KSR2: variants seen among roughly 807,000 people sequenced by gnomAD.
KSR2 encodes kinase suppressor of ras 2.
Under a neutral mutation model 107.8 loss-of-function variants are expected in KSR2, and 25 were observed. That is an observed-to-expected ratio of 0.23 (90% CI 0.17 to 0.32). KSR2 has a LOEUF of 0.32. Ranked by LOEUF, KSR2 falls within the 10% of genes least tolerant of loss-of-function variation. The probability of loss-of-function intolerance (pLI) is 1.00; values close to 1 mark genes in which losing one functional copy is unlikely to be tolerated. For synonymous variants in KSR2, 480 were observed against 507.0 expected, an observed-to-expected ratio of 0.95 and a Z score of 0.71; for missense variants, 887 against 1,268.9, an observed-to-expected ratio of 0.70 and a Z score of 4.57.
chr12:117,832,331 CAT>C (rs1351773175), intron 3 of KSR2, among the ~76,000 whole-genome samples: 1 of 152,134 alleles, frequency 6.6e-6, no homozygotes, highest in Non-Finnish European at 1.5e-5. Flanking sequence ...TCCGCATCCA[CAT>C]GTTTTAGGGG....
intron 8 of KSR2, among the ~76,000 whole-genome samples, chr12:117,555,629 G>A (rs183264679): frequency 2.2e-4 from 33 of 152,264 alleles, no homozygotes; most frequent in South Asian, 1.5e-3. Context: ...TGTGATGAGC[G>A]GACAAGCTCA....
intron 12 of KSR2, among the ~76,000 whole-genome samples, chr12:117,529,001 C>T (rs1477793377): frequency 6.6e-6 from 1 of 152,184 alleles, no homozygotes; most frequent in East Asian, 1.9e-4. Context: ...TAGATGTCAG[C>T]ACCATATCCC....
At chr12:117,584,323 A>G (rs1879864162) in intron 5 of KSR2, among the ~76,000 whole-genome samples, 1 of 152,042 alleles carries the variant, frequency 6.6e-6, no homozygotes, top group Non-Finnish European at 1.5e-5. Flanking sequence ...TCTTTTGGGG[A>G]CTGAAGTCAG....
chr12:117,878,710 C>T (rs1014202209), intron 1 of KSR2, among the ~76,000 whole-genome samples: 14 of 152,110 alleles, frequency 9.2e-5, no homozygotes, highest in Admixed American at 4.6e-4. Flanking sequence ...ATCCCAGACT[C>T]GAGGTAAGAG....
rs1870769254 is a variant in KSR2 at position 117,459,120 on chromosome 12, G to A, written c.*8079C>T. On this transcript the variant is annotated 3_prime_UTR_variant, in exon 20 of 20. Transcript: ENST00000339824. ...CTCCAAGCAGGCAGATTACCGAGTA[G>A]GATCATACACAGAGTCTTAGAGACA... 1 of 152,228 alleles carries A rather than the reference G, an allele frequency of 6.6e-6. No homozygotes were observed. The highest frequency in any genetic ancestry group is 1.5e-5 in the Non-Finnish European group (1 of 68,084). The allele number at this position is 152,228 out of a possible 1,614,324, so 9.4% of individuals were successfully genotyped here. A position where few individuals can be genotyped will look rare whatever the true frequency, so the allele number is the denominator to read the frequency against.
At chr12:117,473,181 C>T (rs1871580496) in intron 17 of KSR2, among the ~76,000 whole-genome samples, 1 of 152,206 alleles carries the variant, frequency 6.6e-6, no homozygotes, top group Non-Finnish European at 1.5e-5. Flanking sequence ...ATTTCCTCTG[C>T]CTCCAGACCG....
rs1463844571 is a variant in KSR2 at position 117,460,221 on chromosome 12, T to C, written c.*6978A>G. ...ACAGAGTCCATCTCCTCCAGCTCAG[T>C]CCTCAGTGGAAGGAGGACAGCCATT... On this transcript the variant is annotated 3_prime_UTR_variant, in exon 20 of 20. Transcript: ENST00000339824. 6.6e-6 allele frequency: 1 copy of C among 152,088 alleles called. No homozygotes were observed. The highest frequency in any genetic ancestry group is 1.5e-5 in the Non-Finnish European group (1 of 68,018). The allele number at this position is 152,088 out of a possible 1,614,324, so 9.4% of individuals were successfully genotyped here.
chr12:117,935,706 GC>G (rs1434812461), intron 1 of KSR2, among the ~76,000 whole-genome samples: 1 of 152,184 alleles, frequency 6.6e-6, no homozygotes, highest in Non-Finnish European at 1.5e-5. Context: ...ATTGCAGTGA[GC>G]CAAGATTGCG....
At chr12:117,759,707 G>A (rs1401216214) in intron 4 of KSR2, among the ~76,000 whole-genome samples, 1 of 152,112 alleles carries the variant, frequency 6.6e-6, no homozygotes, top group Non-Finnish European at 1.5e-5. Flanking sequence ...GTCTACTCTA[G>A]GTATCTCATA....
chr12:117,800,387 C>CCG (rs1890791327), intron 3 of KSR2, among the ~76,000 whole-genome samples: 1 of 151,754 alleles, frequency 6.6e-6, no homozygotes, highest in Non-Finnish European at 1.5e-5. Flanking sequence ...TCTGCCCCCC[C>CCG]CAAAGCCTAA....
intron 3 of KSR2, among the ~76,000 whole-genome samples, chr12:117,816,421 A>G (rs1349169882): frequency 6.6e-6 from 1 of 152,156 alleles, no homozygotes; most frequent in Non-Finnish European, 1.5e-5. Flanking sequence ...TCCTGTCCCA[A>G]TTGCTGATCC....
At chr12:117,536,011 C>G (rs986470053) in intron 10 of KSR2, among the ~76,000 whole-genome samples, 1 of 152,262 alleles carries the variant, frequency 6.6e-6, no homozygotes, top group African/African-American at 2.4e-5. Context: ...AACAGGAGGT[C>G]CACCCAACTG....
At chr12:117,708,010 T>C (rs1593153647) in intron 4 of KSR2, among the ~76,000 whole-genome samples, 1 of 152,336 alleles carries the variant, frequency 6.6e-6, no homozygotes. Context: ...TGAAGTGAAA[T>C]GGACATCTCT....
chr12:117,804,986 A>G (rs1466291627), intron 3 of KSR2, among the ~76,000 whole-genome samples: 1 of 152,162 alleles, frequency 6.6e-6, no homozygotes, highest in Non-Finnish European at 1.5e-5. Flanking sequence ...CGTGGAAGCC[A>G]TGAAAGAACT....
chr12:117,575,189 A>T (rs1449441651), intron 7 of KSR2, among the ~76,000 whole-genome samples: 1 of 152,194 alleles, frequency 6.6e-6, no homozygotes, highest in Admixed American at 6.5e-5. Flanking sequence ...AAACTAGGGA[A>T]GGGATTTTGT....
intron 1 of KSR2, among the ~76,000 whole-genome samples, chr12:117,867,776 T>C (rs1893524619): frequency 6.6e-6 from 1 of 152,066 alleles, no homozygotes; most frequent in Non-Finnish European, 1.5e-5. Context: ...GCCACCAATC[T>C]ACTGCTGATC....
In KSR2 at chr12:117,453,606, C is replaced by G. The variant is rs773250759; in HGVS notation, c.*13593G>C. On this transcript the variant is annotated 3_prime_UTR_variant, in exon 20 of 20. Coordinates refer to ENST00000339824, the MANE Select transcript of KSR2 (RefSeq NM_173598.6). ...CAGCATAATTTACATATAGAGAAAG[C>G]CTTTTTACAATTGAGGAATTTTCCT... 5 of 152,062 alleles carry G rather than the reference C, an allele frequency of 3.3e-5. No homozygotes were observed. Among genetic ancestry groups the G allele is most frequent in the Non-Finnish European group, 5.9e-5 (4 of 68,014 alleles). 9.4% of individuals were successfully genotyped at this position (152,062 alleles called of 1,614,324 possible).
intron 5 of KSR2, among the ~76,000 whole-genome samples, chr12:117,645,363 C>A (rs1222805202): frequency 6.6e-6 from 1 of 152,116 alleles, no homozygotes; most frequent in Non-Finnish European, 1.5e-5. Flanking sequence ...TGGTGGTTCT[C>A]TGTTACTTAT....
intron 4 of KSR2, among the ~76,000 whole-genome samples, chr12:117,680,186 C>T (rs1275043781): frequency 2.0e-5 from 3 of 152,192 alleles, no homozygotes; most frequent in African/African-American, 7.2e-5. Flanking sequence ...CTCCTCTCCC[C>T]ATATCCCTGA....
Sources: allele counts gnomAD v4.1 joint callset (sites outside exome capture counted in the v4.1 genomes callset), GRCh38; gene constraint gnomAD v4.1.1; transcripts MANE v1.5; gene names NCBI Gene and HGNC (gene_info 2026-07-23, HGNC 2026-07-21).